Variants in GUCY2D observed in about 807,000 individuals in gnomAD.
GUCY2D encodes the protein guanylate cyclase 2D, retinal.
In GUCY2D, 70 loss-of-function variants were observed where a neutral mutation model predicts 101.3. The observed-to-expected ratio is 0.69, with a 90% CI of 0.57 to 0.84. The LOEUF (loss-of-function observed/expected upper bound fraction) is 0.84, where lower values mean the gene tolerates loss of function less well. GUCY2D is among the 40% of genes least tolerant of loss of function. The pLI is 0.00. For missense variants in GUCY2D, 1,460 were observed against 1,542.5 expected, an observed-to-expected ratio of 0.95 and a Z score of 0.90; for synonymous variants, 688 against 670.7, an observed-to-expected ratio of 1.03 and a Z score of -0.40.
At chr17:8,016,044 C>T (rs1214738743) in intron 17 of GUCY2D, 23 bp downstream of exon 17, 1 of 1,566,748 alleles carries the variant, frequency 6.4e-7, no homozygotes, top group African/African-American at 1.3e-5. Flanking sequence ...CCCAACCCCT[C>T]CCGGAGGCCC....
In GUCY2D at chr17:8,003,355, A is replaced by G; in HGVS notation, c.308A>G (p.Glu103Gly). Residue 103 changes from glutamate to glycine, a missense_variant, in exon 2 of 20, where the codon GAG becomes GGG. This residue lies in a region of GUCY2D where 1,196 missense variants were observed against 1,229.6 expected (regional missense o/e 0.97). Transcript: ENST00000254854. ...GPRFEVALLPEPCRTPGSLGA... is the reference protein window; with the variant it reads ...GPRFEVALLPGPCRTPGSLGA... ...CGCTTCGAGGTAGCGCTGCTGCCCG[A>G]GCCTTGCCGGACGCCGGGCTCGCTG... The G allele has an allele frequency of 6.8e-7, 1 of 1,469,518 alleles. No individual in the cohort carries two copies. Among genetic ancestry groups the G allele is most frequent in the Non-Finnish European group, 8.9e-7 (1 of 1,117,598 alleles). The allele number at this position is 1,469,518 out of a possible 1,614,324, so 91.0% of individuals were successfully genotyped here.
rs1458985581 is a variant in GUCY2D, at chr17:8,015,365, G to A, written c.2807G>A (p.Gly936Glu). The stretch of plus-strand genomic sequence containing the variant: ...GGGGACGCCTATATGGTGGCCTCGG[G>A]GCTGCCCCAGCGGAATGGGCAGCGA... ...TIGDAYMVAS[G>E]LPQRNGQRHA... Residue 936 changes from glycine (G) to glutamate (E), a missense_variant, in exon 15 of 20, where the codon GGG becomes GAG. Around this residue, in one of 3 missense-constraint regions of GUCY2D, gnomAD observed 49 missense variants for 85.0 expected, o/e 0.58. Transcript: ENST00000254854. 6.2e-7 allele frequency: 1 copy of A among 1,611,172 alleles called. No individual in the cohort carries two copies. The highest frequency in any genetic ancestry group is 8.5e-7 in the Non-Finnish European group (1 of 1,180,004).
chr17:8,018,791 A>C (rs2151805052), intron 19 of GUCY2D, among the ~76,000 whole-genome samples: 1 of 151,064 alleles, frequency 6.6e-6, no homozygotes, highest in African/African-American at 2.4e-5. Context: ...AGGACTCCTT[A>C]GCAGGTATTA....
In GUCY2D at chr17:8,015,768, C is replaced by A; in HGVS notation, c.2970C>A (p.Gly990=). The A allele has an allele frequency of 1.2e-6, 2 of 1,611,056 alleles. No individual in the cohort carries two copies. Among genetic ancestry groups the A allele is most frequent in the Non-Finnish European group, 1.7e-6 (2 of 1,178,928 alleles). Residue 990 remains glycine (G), a synonymous_variant, in exon 16 of 20, where the codon GGC becomes GGA. Coordinates refer to ENST00000254854, the MANE Select transcript of GUCY2D (RefSeq NM_000180.4). ...HSGPCVAGVV[G]LTMPRYCLFG... Reference sequence around the variant, plus strand: ...GTCCATGCGTGGCAGGCGTGGTGGGCCTCACCATGCCGCGGTACTGCCTGT... The same window carrying A: ...GTCCATGCGTGGCAGGCGTGGTGGGACTCACCATGCCGCGGTACTGCCTGT...
intron 5 of GUCY2D, 109 bp from the exon 6 acceptor site, chr17:8,007,317 C>A: frequency 1.1e-6 from 1 of 909,636 alleles, no homozygotes; most frequent in South Asian, 1.3e-5. Flanking sequence ...GGATGGCTGC[C>A]CTCCAGGACC....
At chr17:8,005,627 A>C (rs1050330819) in intron 3 of GUCY2D, among the ~76,000 whole-genome samples, 2 of 152,184 alleles carry the variant, frequency 1.3e-5, no homozygotes, top group African/African-American at 4.8e-5. Context: ...TTCTCTGTCC[A>C]CAGCCTAGGG....
chr17:8,018,409 C>T (rs555455408), intron 19 of GUCY2D, among the ~76,000 whole-genome samples: 8 of 152,252 alleles, frequency 5.3e-5, no homozygotes, highest in Middle Eastern at 3.4e-3. Flanking sequence ...TTGACACGCT[C>T]ATTAAAGTTT....
At chr17:8,015,287 A>G in intron 14 of GUCY2D, 41 bp from the exon 15 acceptor site, 1 of 1,568,656 alleles carries the variant, frequency 6.4e-7, no homozygotes, top group Non-Finnish European at 8.7e-7. Flanking sequence ...ACTCGGGGGG[A>G]ATGCTCAAAA....
chr17:8,009,583 C>A lies in GUCY2D; in HGVS notation c.1746C>A (p.Ser582=). Residue 582 remains serine, a synonymous_variant, in exon 8 of 20, where the codon TCC becomes TCA. Coordinates refer to ENST00000254854, the MANE Select transcript of GUCY2D (RefSeq NM_000180.4). The part of the protein sequence containing the change: ...AIRPATKTAF[S]KLQELRHENV... ...GCCCAGCAACCAAGACGGCCTTCTC[C>A]AAGGTGAGACTTGGGCCTGTGATGG... is the stretch of plus-strand genomic sequence containing the variant. 6.2e-7 allele frequency: 1 copy of A among 1,607,636 alleles called. No individual in the cohort carries two copies. Among genetic ancestry groups the A allele is most frequent in the Non-Finnish European group, 8.5e-7 (1 of 1,174,048 alleles).
intron 7 of GUCY2D, among the ~76,000 whole-genome samples, chr17:8,009,236 G>C (rs1975802421): frequency 6.6e-6 from 1 of 152,226 alleles, no homozygotes; most frequent in South Asian, 2.1e-4. Flanking sequence ...TTGTATTAAT[G>C]CACTTAATAG....
rs1975847021 is a variant in GUCY2D at position 8,011,315 on chromosome 17, G to A, written c.1750-829G>A. Among the ~76,000 whole-genome samples the A allele has an allele frequency of 6.6e-6, 1 of 152,076 alleles. No homozygotes were observed. The highest frequency in any genetic ancestry group is 2.4e-5 in the African/African-American group (1 of 41,372). On this transcript the variant is annotated intron_variant, in intron 8 of 19. Transcript: ENST00000254854. The surrounding 1 kb of genome is among the most constrained non-coding windows in gnomAD (Gnocchi z 4.3). ...AATCGCTTGAGCTCAGGATGCGGAGGTTGCAGTGACCCGAGATTGCACGAC... is the reference window on the plus strand; with the variant it reads ...AATCGCTTGAGCTCAGGATGCGGAGATTGCAGTGACCCGAGATTGCACGAC...
At chr17:8,012,751 G>A in intron 10 of GUCY2D, 145 bp downstream of exon 10, 1 of 772,372 alleles carries the variant, frequency 1.3e-6, no homozygotes. Flanking sequence ...AAGATCTTGT[G>A]GCCTCTGAGA....
chr17:8,003,617 C>A lies in GUCY2D; in HGVS notation c.570C>A (p.Pro190=), dbSNP rs1252922693. ...GWARVALVTA[P]QDLWVEAGRS... Reference sequence around the variant, plus strand: ...CGCGCGTGGCCCTGGTCACCGCCCCCCAGGACCTGTGGGTGGAGGCGGGAC... The same window carrying A: ...CGCGCGTGGCCCTGGTCACCGCCCCACAGGACCTGTGGGTGGAGGCGGGAC... Residue 190 remains proline (P), a synonymous_variant, in exon 2 of 20, where the codon CCC becomes CCA. Coordinates refer to ENST00000254854, the MANE Select transcript of GUCY2D (RefSeq NM_000180.4). 6.3e-7 allele frequency: 1 copy of A among 1,592,400 alleles called. No individual in the cohort carries two copies. Among genetic ancestry groups the A allele is most frequent in the South Asian group, 1.1e-5 (1 of 90,312 alleles).
intron 14 of GUCY2D, 90 bp from the exon 15 acceptor site, chr17:8,015,238 C>G (rs1286933985): frequency 1.6e-6 from 2 of 1,288,448 alleles, no homozygotes; most frequent in African/African-American, 2.9e-5. Flanking sequence ...CTGCACTAAC[C>G]CCAGGTGGGC....
At chr17:8,008,372 G>A (rs1467800301) in intron 7 of GUCY2D, among the ~76,000 whole-genome samples, 5 of 152,164 alleles carry the variant, frequency 3.3e-5, no homozygotes, top group Non-Finnish European at 5.9e-5. Context: ...GACCATCTCC[G>A]GCCTGGTCAG....
chr17:8,005,012 G>A (rs1975712148), intron 3 of GUCY2D, among the ~76,000 whole-genome samples: 1 of 151,992 alleles, frequency 6.6e-6, no homozygotes, highest in South Asian at 2.1e-4. Flanking sequence ...AGAGAGGGAG[G>A]TTGAGAAAGT....
chr17:8,016,186 C>G lies in GUCY2D; in HGVS notation c.3139-19C>G. 2 of 1,546,162 alleles carry G rather than the reference C, an allele frequency of 1.3e-6. No individual in the cohort carries two copies. The highest frequency in any genetic ancestry group is 1.8e-6 in the Non-Finnish European group (2 of 1,133,438). ...CACCCCAGTCCGCCTAAGTCCTTCC[C>G]TCTCCCATGTCTCCCCAGGGCAAGG... On this transcript the variant is annotated intron_variant, in intron 17 of 19. Coordinates refer to ENST00000254854, the MANE Select transcript of GUCY2D (RefSeq NM_000180.4).
At chr17:8,015,275 G>A in intron 14 of GUCY2D, 53 bp from the exon 15 acceptor site, 1 of 1,539,552 alleles carries the variant, frequency 6.5e-7, no homozygotes, top group Non-Finnish European at 8.9e-7. Context: ...ATCGCTTCGT[G>A]TACTCGGGGG....
rs72841481 is a variant in GUCY2D at position 8,013,358 on chromosome 17, A to G, written c.2263+106A>G. The G allele has an allele frequency of 0.016, 17,950 of 1,139,502 alleles. 184 individuals are homozygous for G. Among genetic ancestry groups the G allele is most frequent in the Non-Finnish European group, 0.019 (14,824 of 775,744 alleles). 70.6% of individuals were successfully genotyped at this position (1,139,502 alleles called of 1,614,324 possible). ...AAGCAAAGCCCAGTGATGAAACTCA[A>G]TTATACGGAGGCCCCCTTAAAGCTG... On this transcript the variant is annotated intron_variant, in intron 11 of 19. Coordinates refer to ENST00000254854, the MANE Select transcript of GUCY2D (RefSeq NM_000180.4). The surrounding 1 kb of genome is among the most constrained non-coding windows in gnomAD (Gnocchi z 5.0).
Sources: gnomAD v4.1 joint callset for allele counts (sites outside exome capture counted in the v4.1 genomes callset) on GRCh38, gnomAD v4.1.1 for gene constraint, gnomAD v4.1.1 regional missense constraint, Gnocchi (gnomAD v3.1) non-coding constraint, MANE v1.5 for transcripts, NCBI Gene and HGNC (gene_info 2026-07-23, HGNC 2026-07-21) for gene names.